The following CAST variants were observed in gnomAD, a reference collection of about 807,000 sequenced individuals.
CAST encodes the protein MIR583 host.
CAST carries 76 observed loss-of-function variants against 119.6 expected under a neutral mutation model. That is an observed-to-expected ratio of 0.64 (90% confidence interval 0.53 to 0.77). The LOEUF (loss-of-function observed/expected upper bound fraction) is 0.77, where lower values mean the gene tolerates loss of function less well. Ranked by LOEUF, CAST falls within the 30% of genes least tolerant of loss-of-function variation. CAST has a pLI of 0.00. For missense variants in CAST, 953 were observed against 946.5 expected, an observed-to-expected ratio of 1.01 and a Z score of -0.09; for synonymous variants, 319 against 331.6, an observed-to-expected ratio of 0.96 and a Z score of 0.41.
At chr5:96,080,519 T>C in the CAST span, among the ~76,000 whole-genome samples, 1 of 152,224 alleles carries the variant, frequency 6.6e-6, no homozygotes, top group Non-Finnish European at 1.5e-5. Flanking sequence ...TTAATTTGTT[T>C]TTGAACATTA....
At chr5:96,508,244 C>T in the CAST span, among the ~76,000 whole-genome samples, 1 of 151,960 alleles carries the variant, frequency 6.6e-6, no homozygotes, top group Non-Finnish European at 1.5e-5. Flanking sequence ...CAAGCCAGGC[C>T]CAAATTCTAA....
At chr5:96,503,405 C>T in the CAST span, among the ~76,000 whole-genome samples, 1 of 152,124 alleles carries the variant, frequency 6.6e-6, no homozygotes, top group East Asian at 1.9e-4. Context: ...TTAAACCTCC[C>T]TTTTTTCTTT....
chr5:96,577,694 T>C (rs1233026573), intron 1 of CAST, among the ~76,000 whole-genome samples: 2 of 152,146 alleles, frequency 1.3e-5, no homozygotes, highest in South Asian at 2.1e-4. Context: ...AATTTTCCTG[T>C]CTTCTGTTAT....
At chr5:96,301,972 T>C in the CAST span, among the ~76,000 whole-genome samples, 1 of 152,168 alleles carries the variant, frequency 6.6e-6, no homozygotes, top group African/African-American at 2.4e-5. Flanking sequence ...ACCCCATGTT[T>C]CCTCTCCCCC....
At chr5:96,681,752 A>C (rs1267621453) in intron 2 of CAST, among the ~76,000 whole-genome samples, 1 of 151,440 alleles carries the variant, frequency 6.6e-6, no homozygotes, top group Non-Finnish European at 1.5e-5. Flanking sequence ...AAAAAAAAAA[A>C]ATACTACCAG....
chr5:96,008,083 G>A, the CAST span, among the ~76,000 whole-genome samples: 1 of 152,178 alleles, frequency 6.6e-6, no homozygotes, highest in African/African-American at 2.4e-5. Flanking sequence ...TCTTGGTCTT[G>A]GACTTCCCAG....
chr5:96,464,119 T>G, the CAST span, among the ~76,000 whole-genome samples: 2 of 152,000 alleles, frequency 1.3e-5, no homozygotes, highest in Non-Finnish European at 1.5e-5. Flanking sequence ...TTTTGTTTTG[T>G]TTTGGTTTGG....
chr5:96,250,982 T>A, the CAST span, among the ~76,000 whole-genome samples: 29 of 152,034 alleles, frequency 1.9e-4, no homozygotes, highest in Non-Finnish European at 3.2e-4. Context: ...GTACAGAAGG[T>A]ACAGAGGTAC....
chr5:96,204,409 T>G, the CAST span, among the ~76,000 whole-genome samples: 8 of 152,098 alleles, frequency 5.3e-5, no homozygotes, highest in Non-Finnish European at 8.8e-5. Flanking sequence ...ACCATCTCTA[T>G]GACTCTTGGG....
At chr5:96,628,466 C>T (rs1435337061) in intron 1 of CAST, among the ~76,000 whole-genome samples, 3 of 152,290 alleles carry the variant, frequency 2.0e-5, no homozygotes, top group Admixed American at 2.0e-4. Context: ...ATAACACATG[C>T]AACATTAAAA....
the CAST span, among the ~76,000 whole-genome samples, chr5:96,332,137 C>A: frequency 2.0e-5 from 3 of 152,154 alleles, no homozygotes; most frequent in Non-Finnish European, 4.4e-5. Flanking sequence ...AAAGTTTATA[C>A]AAGAGATCAA....
the CAST span, among the ~76,000 whole-genome samples, chr5:96,486,905 G>T: frequency 1.3e-5 from 2 of 152,020 alleles, no homozygotes; most frequent in Middle Eastern, 6.8e-3. Flanking sequence ...AGAAGCACAA[G>T]GCCAAATAAT....
chr5:96,091,304 G>T, the CAST span, among the ~76,000 whole-genome samples: 1 of 151,550 alleles, frequency 6.6e-6, no homozygotes, highest in Non-Finnish European at 1.5e-5. Flanking sequence ...CCAGGTTCAA[G>T]CGATTCTCCT....
At chr5:96,204,414 C>T in the CAST span, among the ~76,000 whole-genome samples, 2 of 152,052 alleles carry the variant, frequency 1.3e-5, no homozygotes. Context: ...CTCTATGACT[C>T]TTGGGTAAGG....
chr5:96,182,050 A>G, the CAST span, among the ~76,000 whole-genome samples: 1 of 152,240 alleles, frequency 6.6e-6, no homozygotes, highest in African/African-American at 2.4e-5. Context: ...TAAAATACTC[A>G]TGATTTAAAA....
chr5:96,771,700 C>G lies in CAST; in HGVS notation c.*21C>G. 1.9e-6 allele frequency: 3 copies of G among 1,599,106 alleles called. No individual in the cohort carries two copies. Among genetic ancestry groups the G allele is most frequent in the Non-Finnish European group, 2.6e-6 (3 of 1,167,032 alleles). ...ACTAAAGAAATACAAGTTAAGGTAT[C>G]TGGTAAGTTGGGTGTTTATTTGTAA... is the stretch of plus-strand genomic sequence containing the variant. On this transcript the variant is annotated splice_region_variant and 3_prime_UTR_variant, in exon 31 of 32. Coordinates refer to ENST00000675179, the MANE Select transcript of CAST (RefSeq NM_001750.7).
At chr5:96,457,472 C>T in the CAST span, among the ~76,000 whole-genome samples, 9 of 152,130 alleles carry the variant, frequency 5.9e-5, no homozygotes, top group African/African-American at 1.9e-4. Context: ...GATTGACTAA[C>T]GAGGCCCTGG....
chr5:96,553,773 G>C (rs1404966979), intron 1 of CAST, among the ~76,000 whole-genome samples: 1 of 152,138 alleles, frequency 6.6e-6, no homozygotes, highest in Non-Finnish European at 1.5e-5. Context: ...GACAAACAGA[G>C]AGCCAAATCA....
the CAST span, among the ~76,000 whole-genome samples, chr5:96,236,685 C>T: frequency 1.3e-5 from 2 of 152,152 alleles, no homozygotes; most frequent in African/African-American, 4.8e-5. Flanking sequence ...GGTGATTTCT[C>T]CCCAAATATT....
Sources: allele counts gnomAD v4.1 joint callset (sites outside exome capture counted in the v4.1 genomes callset), GRCh38; gene constraint gnomAD v4.1.1; transcripts MANE v1.5; gene names NCBI Gene and HGNC (gene_info 2026-07-23, HGNC 2026-07-21).